The following RALYL variants were observed in gnomAD, a reference collection of about 807,000 sequenced individuals.
RALYL encodes RNA-binding Raly-like protein.
In RALYL, 29 loss-of-function variants were observed where a neutral mutation model predicts 35.1. That is an observed-to-expected ratio of 0.83 (90% CI 0.61 to 1.13). The LOEUF is 1.13. Ranked by LOEUF, RALYL falls within the 50% of genes most tolerant of loss-of-function variation. The probability of loss-of-function intolerance (pLI) is 0.00; values close to 1 mark genes in which losing one functional copy is unlikely to be tolerated. For synonymous variants in RALYL, 120 were observed against 127.6 expected, an observed-to-expected ratio of 0.94 and a Z score of 0.40; for missense variants, 359 against 360.4, an observed-to-expected ratio of 1.00 and a Z score of 0.03.
intron 4 of RALYL, among the ~76,000 whole-genome samples, chr8:84,817,743 G>T (rs971867640): frequency 1.3e-5 from 2 of 151,772 alleles, no homozygotes; most frequent in Admixed American, 1.3e-4. Context: ...TCTAGAAACG[G>T]GGGGTCTCAC....
At chr8:84,857,741 G>A (rs1837339242) in intron 5 of RALYL, among the ~76,000 whole-genome samples, 1 of 152,066 alleles carries the variant, frequency 6.6e-6, no homozygotes, top group Non-Finnish European at 1.5e-5. Flanking sequence ...ATACATGACT[G>A]TACATATATT....
At chr8:84,553,699 T>G in intron 2 of RALYL, among the ~76,000 whole-genome samples, 1 of 152,132 alleles carries the variant, frequency 6.6e-6, no homozygotes, top group African/African-American at 2.4e-5. Context: ...TAACATTTTC[T>G]TATTGTGCCT....
At chr8:84,763,958 C>A (rs951609897) in intron 2 of RALYL, among the ~76,000 whole-genome samples, 2 of 151,928 alleles carry the variant, frequency 1.3e-5, no homozygotes, top group Non-Finnish European at 2.9e-5. Flanking sequence ...TGCTTCAAGG[C>A]AAATCAAAGG....
At chr8:84,689,132 G>C (rs1184170815) in intron 2 of RALYL, among the ~76,000 whole-genome samples, 1 of 151,668 alleles carries the variant, frequency 6.6e-6, no homozygotes, top group African/African-American at 2.4e-5. Context: ...CAATGTGCAG[G>C]TTAGTTACAT....
chr8:84,469,688 CT>C (rs911112078), intron 1 of RALYL, among the ~76,000 whole-genome samples: 9 of 152,224 alleles, frequency 5.9e-5, no homozygotes, highest in Admixed American at 2.6e-4. Context: ...TTCCCAGCTG[CT>C]TTGTTTACCT....
chr8:84,680,775 A>G (rs1835295183), intron 2 of RALYL, among the ~76,000 whole-genome samples: 2 of 152,102 alleles, frequency 1.3e-5, no homozygotes, highest in Admixed American at 1.3e-4. Context: ...AGTAGGTTGC[A>G]AAAATTTTCT....
chr8:84,541,790 A>G (rs929230339), intron 2 of RALYL, among the ~76,000 whole-genome samples: 1 of 152,102 alleles, frequency 6.6e-6, no homozygotes, highest in Admixed American at 6.6e-5. Flanking sequence ...TCATCCTTTC[A>G]TATAGTATGA....
At chr8:84,216,904 A>G (rs1156354499) in intron 1 of RALYL, among the ~76,000 whole-genome samples, 1 of 152,154 alleles carries the variant, frequency 6.6e-6, no homozygotes, top group Non-Finnish European at 1.5e-5. Flanking sequence ...GCTCATCCAT[A>G]TGAGCTAATT....
intron 8 of RALYL, among the ~76,000 whole-genome samples, chr8:84,902,440 G>C (rs1161004006): frequency 3.9e-5 from 6 of 152,124 alleles, no homozygotes; most frequent in Non-Finnish European, 8.8e-5. Flanking sequence ...CATTACTGGG[G>C]ATTACAATTC....
At chr8:84,340,785 C>T (rs182350483) in intron 1 of RALYL, among the ~76,000 whole-genome samples, 1 of 152,150 alleles carries the variant, frequency 6.6e-6, no homozygotes, top group African/African-American at 2.4e-5. Flanking sequence ...CATGGGAGTG[C>T]AGATATCTCT....
intron 1 of RALYL, among the ~76,000 whole-genome samples, chr8:84,415,021 G>C (rs1396669374): frequency 6.6e-6 from 1 of 152,080 alleles, no homozygotes; most frequent in East Asian, 1.9e-4. Context: ...TCACTGGAAT[G>C]GTCTGTCAAG....
At chr8:84,654,938 G>A (rs951275163) in intron 2 of RALYL, among the ~76,000 whole-genome samples, 3 of 150,646 alleles carry the variant, frequency 2.0e-5, no homozygotes, top group East Asian at 2.0e-4. Context: ...TTCTTTTTGG[G>A]TATATATACC....
chr8:84,770,324 C>T (rs1028701691), intron 2 of RALYL, among the ~76,000 whole-genome samples: 9 of 151,258 alleles, frequency 6.0e-5, no homozygotes. Flanking sequence ...TGTTGCTTTA[C>T]TTAGAATAAC....
intron 1 of RALYL, among the ~76,000 whole-genome samples, chr8:84,365,806 C>G (rs1212778759): frequency 1.3e-5 from 2 of 152,110 alleles, no homozygotes; most frequent in Admixed American, 1.3e-4. Flanking sequence ...GAAGGAAATG[C>G]TGGAAGATTG....
intron 2 of RALYL, among the ~76,000 whole-genome samples, chr8:84,586,820 A>G (rs1234550787): frequency 6.6e-6 from 1 of 152,190 alleles, no homozygotes; most frequent in African/African-American, 2.4e-5. Flanking sequence ...TTGGAGAAGC[A>G]TGTTCTTTTC....
At chr8:84,197,503 C>A (rs1033224553) in intron 1 of RALYL, among the ~76,000 whole-genome samples, 5 of 152,128 alleles carry the variant, frequency 3.3e-5, no homozygotes, top group Admixed American at 6.5e-5. Flanking sequence ...TATTAACAAC[C>A]ACCAAAACAA....
intron 8 of RALYL, among the ~76,000 whole-genome samples, chr8:84,915,265 G>A (rs1006504822): frequency 3.9e-5 from 6 of 151,912 alleles, no homozygotes; most frequent in Non-Finnish European, 8.8e-5. Context: ...GGGAATTAAG[G>A]GAGCCTTAGC....
intron 2 of RALYL, among the ~76,000 whole-genome samples, chr8:84,693,117 T>G (rs7010348): frequency 0.2 from 29,686 of 151,932 alleles, 3,136 homozygotes; most frequent in Non-Finnish European, 0.23. Flanking sequence ...AATAGAAAAC[T>G]AATACACTCA....
At chr8:84,579,108 T>A (rs1215911565) in intron 2 of RALYL, among the ~76,000 whole-genome samples, 1 of 152,142 alleles carries the variant, frequency 6.6e-6, no homozygotes, top group African/African-American at 2.4e-5. Context: ...TGCAGGCCCA[T>A]GCCAAGCAGC....
Sources: gnomAD v4.1 joint callset for allele counts (sites outside exome capture counted in the v4.1 genomes callset) on GRCh38, gnomAD v4.1.1 for gene constraint, MANE v1.5 for transcripts, NCBI Gene and HGNC (gene_info 2026-07-23, HGNC 2026-07-21) for gene names.